CMTR1: variants seen among roughly 807,000 people sequenced by gnomAD.
The protein encoded by CMTR1 is cap-specific mRNA (nucleoside-2'-O-)-methyltransferase 1.
CMTR1 carries 39 observed loss-of-function variants against 107.0 expected under a neutral mutation model. The ratio of observed to expected loss-of-function variants is 0.36; its 90% CI spans 0.28 to 0.48. CMTR1 has a LOEUF of 0.48. Among genes scored for constraint, CMTR1 ranks in the 20% least tolerant of loss-of-function variants. CMTR1 has a pLI of 0.99. For missense variants in CMTR1, 672 were observed against 1,064.9 expected, an observed-to-expected ratio of 0.63 and a Z score of 5.14; for synonymous variants, 366 against 379.5, an observed-to-expected ratio of 0.96 and a Z score of 0.41.
At chr6:37,437,462 G>A (rs1372424474) in intron 2 of CMTR1, among the ~76,000 whole-genome samples, 1 of 146,144 alleles carries the variant, frequency 6.8e-6, no homozygotes, top group African/African-American at 2.6e-5. Flanking sequence ...GGGAGGCAGA[G>A]CTTGCAGTGA....
intron 2 of CMTR1, among the ~76,000 whole-genome samples, chr6:37,437,927 G>A (rs567611686): frequency 4.9e-4 from 75 of 152,264 alleles, no homozygotes; most frequent in African/African-American, 1.6e-3. Flanking sequence ...CAAGTCCCAG[G>A]TAAAAGAAGG....
upstream of CMTR1, among the ~76,000 whole-genome samples, chr6:37,428,364 G>A (rs533403759): frequency 6.6e-6 from 1 of 152,284 alleles, no homozygotes; most frequent in South Asian, 2.1e-4. Flanking sequence ...TTTTTGCAGA[G>A]CCTTTTGTGA....
rs150218663 is a variant in CMTR1 at position 37,434,686 on chromosome 6, T to C, written c.-6-938T>C. 4.1e-3 allele frequency among the ~76,000 whole-genome samples: 623 copies of C among 151,762 alleles called. 4 individuals carry two copies. The highest frequency in any genetic ancestry group is 0.013 in the African/African-American group (546 of 41,380). On this transcript the variant is annotated intron_variant, in intron 1 of 23. Transcript: ENST00000373451. ...TCGCCCAGGGTGGAGTGCAGTGGTGTGATCTCGGCTCACTGCAACCTCCGC... is the reference window on the plus strand; with the variant it reads ...TCGCCCAGGGTGGAGTGCAGTGGTGCGATCTCGGCTCACTGCAACCTCCGC...
intron 23 of CMTR1, among the ~76,000 whole-genome samples, 161 bp from the exon 24 acceptor site, chr6:37,479,852 G>A (rs1019797874): frequency 3.3e-5 from 5 of 152,204 alleles, no homozygotes; most frequent in Non-Finnish European, 7.3e-5. Flanking sequence ...TTGGTTCTGG[G>A]AGGCAGGGGA....
intron 8 of CMTR1, among the ~76,000 whole-genome samples, chr6:37,457,232 C>A (rs959583289): frequency 0.015 from 2,142 of 145,438 alleles, 16 homozygotes; most frequent in Non-Finnish European, 0.023. Context: ...AAAAAAAAAA[C>A]AAAAAAACCT....
At chr6:37,443,007 A>G (rs1248602971) in intron 2 of CMTR1, among the ~76,000 whole-genome samples, 2 of 152,206 alleles carry the variant, frequency 1.3e-5, no homozygotes, top group East Asian at 3.8e-4. Flanking sequence ...CACATGGTTC[A>G]TAAGTCAAAA....
Position 37,458,940 on chromosome 6 carries a change from C to G in CMTR1, c.976+130C>G, listed in dbSNP as rs1335045365. The G allele has an allele frequency of 1.2e-6, 1 of 821,150 alleles. No individual in the cohort carries two copies. The highest frequency in any genetic ancestry group is 1.9e-6 in the Non-Finnish European group (1 of 530,414). 50.9% of individuals were successfully genotyped at this position (821,150 alleles called of 1,614,324 possible). On this transcript the variant is annotated intron_variant, in intron 9 of 23. Coordinates refer to ENST00000373451, the MANE Select transcript of CMTR1 (RefSeq NM_015050.3). This position sits in a 1 kb window ranked among gnomAD's most constrained non-coding sequence, Gnocchi z 4.7. ...GTCTCTTACCCTGGGCTTCACAGTT[C>G]ATGTCAGAATCTTGGTTCCCTCTGG... is the stretch of plus-strand genomic sequence containing the variant.
intron 13 of CMTR1, among the ~76,000 whole-genome samples, chr6:37,469,690 G>C (rs1761584667): frequency 6.6e-6 from 1 of 151,442 alleles, no homozygotes; most frequent in Non-Finnish European, 1.5e-5. Flanking sequence ...ACCATGCCTG[G>C]CTAGTTTTTG....
rs74583777 is a variant in CMTR1, at chr6:37,435,511, A to G, written c.-6-113A>G. The stretch of plus-strand genomic sequence containing the variant: ...GCTATTCAAGTGCTGGCACTGGAAG[A>G]TGTGTAGAATTGCCAAATCTCATCC... On this transcript the variant is annotated intron_variant, in intron 1 of 23. Coordinates refer to ENST00000373451, the MANE Select transcript of CMTR1 (RefSeq NM_015050.3). 3.3e-3 allele frequency: 3,727 copies of G among 1,114,444 alleles called. 80 individuals carry two copies. The African/African-American group carries it at 0.053, about 16-fold the overall frequency. 69.0% of individuals were successfully genotyped at this position (1,114,444 alleles called of 1,614,324 possible). A position where few individuals can be genotyped will look rare whatever the true frequency, so the allele number is the denominator to read the frequency against.
At chr6:37,425,943 G>A in the CMTR1 span, among the ~76,000 whole-genome samples, 10 of 152,228 alleles carry the variant, frequency 6.6e-5, no homozygotes, top group African/African-American at 2.2e-4. Flanking sequence ...GTGTCCCAGA[G>A]GCCCCTTAGA....
intron 16 of CMTR1, 40 bp from the exon 17 acceptor site, chr6:37,473,430 C>T (rs748270059): frequency 6.3e-7 from 1 of 1,597,852 alleles, no homozygotes; most frequent in Admixed American, 1.7e-5. Flanking sequence ...ACTGTCCCTT[C>T]CCCCAACCCG....
chr6:37,467,311 A>G (rs1383416015), intron 13 of CMTR1, among the ~76,000 whole-genome samples: 1 of 152,192 alleles, frequency 6.6e-6, no homozygotes, highest in Non-Finnish European at 1.5e-5. Flanking sequence ...ATATTCAGAT[A>G]ATTTAGGATT....
intron 8 of CMTR1, among the ~76,000 whole-genome samples, chr6:37,455,107 G>A (rs957221136): frequency 3.4e-5 from 5 of 148,976 alleles, no homozygotes; most frequent in African/African-American, 5.0e-5. Context: ...TTTTCGAGAC[G>A]GAGTTTCGCT....
chr6:37,473,500 C>G lies in CMTR1; in HGVS notation c.1720C>G (p.Pro574Ala). 2 of 1,614,032 alleles carry G rather than the reference C, an allele frequency of 1.2e-6. No homozygotes were observed. The highest frequency in any genetic ancestry group is 1.7e-6 in the Non-Finnish European group (2 of 1,179,952). Residue 574 changes from proline (P) to alanine (A), a missense_variant, in exon 17 of 24, where the codon CCC (proline) becomes GCC (alanine). By Grantham distance (27) the Pro-to-Ala change is conservative (BLOSUM62 -1). Transcript: ENST00000373451. ...TGAGATTGACATCTTCAGCTACAAG[C>G]CCACACTGCTCACCTCTAAAACCCT... ...GTEIDIFSYK[P>A]TLLTSKTLEK...
At chr6:37,448,974 G>A (rs1289197398) in intron 4 of CMTR1, among the ~76,000 whole-genome samples, 3 of 152,036 alleles carry the variant, frequency 2.0e-5, no homozygotes, top group Non-Finnish European at 2.9e-5. Flanking sequence ...AAGGTCTTGC[G>A]CTGTTGCCCA....
At chr6:37,447,832 C>T (rs1270942847) in intron 4 of CMTR1, among the ~76,000 whole-genome samples, 2 of 151,594 alleles carry the variant, frequency 1.3e-5, no homozygotes, top group Non-Finnish European at 2.9e-5. Context: ...TGCACTCTAG[C>T]CTTCCAGCCT....
In CMTR1 at chr6:37,480,541, G is replaced by T. The variant is rs1761833093; in HGVS notation, c.*396G>T. 1.1e-5 allele frequency: 12 copies of T among 1,056,166 alleles called. 1 individual carries two copies. In the South Asian group the frequency reaches 3.9e-4, roughly 34 times the overall value. 65.4% of individuals were successfully genotyped at this position (1,056,166 alleles called of 1,614,324 possible). A position where few individuals can be genotyped will look rare whatever the true frequency, so the allele number is the denominator to read the frequency against. On this transcript the variant is annotated 3_prime_UTR_variant, in exon 24 of 24. Coordinates refer to ENST00000373451, the MANE Select transcript of CMTR1 (RefSeq NM_015050.3). ...AGTTCCATGCACTGCCCTGAGGGTA[G>T]CCATGCCCTTGCTTTGCCCAACTTT...
intron 1 of CMTR1, among the ~76,000 whole-genome samples, chr6:37,434,339 T>C (rs1771473828): frequency 6.6e-6 from 1 of 152,128 alleles, no homozygotes; most frequent in Non-Finnish European, 1.5e-5. Context: ...AGTGACACTT[T>C]TGGGTTTCAA....
chr6:37,445,484 C>CCT (rs778731194), intron 3 of CMTR1, among the ~76,000 whole-genome samples: 2 of 109,194 alleles, frequency 1.8e-5, no homozygotes, highest in Admixed American at 1.9e-4. Context: ...CATACCTCAC[C>CCT]TTTTTTTTTT....
Sources: gnomAD v4.1 joint callset for allele counts (sites outside exome capture counted in the v4.1 genomes callset) on GRCh38, gnomAD v4.1.1 for gene constraint, Gnocchi (gnomAD v3.1) non-coding constraint, MANE v1.5 for transcripts, NCBI Gene and HGNC (gene_info 2026-07-23, HGNC 2026-07-21) for gene names.